DMD: variants seen among roughly 807,000 people sequenced by gnomAD.
The protein encoded by DMD is mutant dystrophin.
Under a neutral mutation model 330.1 loss-of-function variants are expected in DMD, and 63 were observed. That is an observed-to-expected ratio of 0.19 (90% CI 0.16 to 0.24). The LOEUF (loss-of-function observed/expected upper bound fraction) is 0.24. Among genes scored for constraint, DMD ranks in the 10% least tolerant of loss-of-function variants. DMD has a pLI of 1.00. For missense variants in DMD, 3,344 were observed against 2,684.1 expected (o/e 1.25, Z -5.43); for synonymous variants, 1,223 against 959.8 (o/e 1.27, Z -5.07).
At chrX:32,603,865 C>T (rs1371021412) in intron 12 of DMD, among the ~76,000 whole-genome samples, 1 of 111,005 alleles carries the variant, frequency 9.0e-6, no homozygotes, top group Non-Finnish European at 1.9e-5. Flanking sequence ...TAATAAATAT[C>T]TCCCAATAAA....
chrX:32,497,734 G>C (rs1263534205), intron 19 of DMD, among the ~76,000 whole-genome samples: 1 of 111,263 alleles, frequency 9.0e-6, no homozygotes, highest in Admixed American at 9.6e-5. Flanking sequence ...ATCCTAAATA[G>C]ATAAAAACAG....
intron 55 of DMD, among the ~76,000 whole-genome samples, chrX:31,548,593 A>G (rs1343914554): frequency 1.0e-5 from 1 of 98,202 alleles, no homozygotes; most frequent in Non-Finnish European, 2.0e-5. Context: ...GTTTCACCAT[A>G]TTGGCAAAGC....
At chrX:32,618,693 G>C (rs1425848581) in intron 11 of DMD, among the ~76,000 whole-genome samples, 2 of 111,167 alleles carry the variant, frequency 1.8e-5, no homozygotes, top group Admixed American at 1.9e-4. Flanking sequence ...CGATATCTTT[G>C]TCAAAAGAAA....
chrX:32,717,472 T>C (rs1276505911), intron 7 of DMD, among the ~76,000 whole-genome samples: 3 of 111,698 alleles, frequency 2.7e-5, no homozygotes, highest in Non-Finnish European at 5.7e-5. Context: ...CTTGAGAGCA[T>C]CCACCTAGAT....
intron 57 of DMD, among the ~76,000 whole-genome samples, chrX:31,495,324 A>G (rs1209619422): frequency 9.0e-6 from 1 of 111,366 alleles, no homozygotes; most frequent in Non-Finnish European, 1.9e-5. Flanking sequence ...CAAAAGTGGT[A>G]CCATTTTATC....
chrX:32,953,568 T>C (rs1273596426), intron 2 of DMD, among the ~76,000 whole-genome samples: 1 of 111,996 alleles, frequency 8.9e-6, no homozygotes, highest in East Asian at 2.8e-4. Flanking sequence ...AAAAAATACA[T>C]TGCTAGTCCC....
At chrX:33,305,776 A>T (rs912074399) in intron 1 of DMD, among the ~76,000 whole-genome samples, 1 of 111,220 alleles carries the variant, frequency 9.0e-6, no homozygotes, top group Non-Finnish European at 1.9e-5. Flanking sequence ...ATTATAGAGC[A>T]TTACGTTTTC....
intron 54 of DMD, among the ~76,000 whole-genome samples, chrX:31,651,851 T>C (rs767816228): frequency 7.3e-4 from 82 of 111,935 alleles, no homozygotes; most frequent in African/African-American, 2.4e-3. Context: ...AGTTTCCTAA[T>C]GGTCTCACTA....
rs761155957 is a variant in DMD at position 33,082,899 on chromosome X, C to T, written c.32-62699G>A. ...ACCCACGTTCTATCACGTGATATCC[C>T]TCTCTCCATTACATAACACAGAAAG... On this transcript the variant is annotated intron_variant, in intron 1 of 78. Coordinates refer to ENST00000357033, the MANE Select transcript of DMD (RefSeq NM_004006.3). Among the ~76,000 whole-genome samples the T allele has an allele frequency of 1.2e-4, 14 of 112,390 alleles. No homozygotes were observed. In the South Asian group the frequency reaches 5.1e-3, roughly 41 times the overall value.
rs747055974 is a variant in DMD, at chrX:32,516,021, A to C, written c.2292+1987T>G. Among the ~76,000 whole-genome samples the C allele has an allele frequency of 4.6e-3, 517 of 111,355 alleles. 1 individual carries two copies. Among genetic ancestry groups the C allele is most frequent in the African/African-American group, 0.016 (494 of 30,723 alleles). ...GCCTATGATATGCTAACTGGCTAAAAGCATTTGAAAGGAGTAAATGAAGAA... is the reference window on the plus strand; with the variant it reads ...GCCTATGATATGCTAACTGGCTAAACGCATTTGAAAGGAGTAAATGAAGAA... On this transcript the variant is annotated intron_variant, in intron 18 of 78. Coordinates refer to ENST00000357033, the MANE Select transcript of DMD (RefSeq NM_004006.3).
chrX:31,192,561 G>A lies in DMD; in HGVS notation c.9808-9657C>T, dbSNP rs183240305. 9.8e-5 allele frequency among the ~76,000 whole-genome samples: 11 copies of A among 111,842 alleles called. No individual in the cohort carries two copies. In the East Asian group the frequency reaches 2.5e-3, roughly 26 times the overall value. On this transcript the variant is annotated intron_variant, in intron 67 of 78. Transcript: ENST00000357033. ...CCGGAAGATCAGGTAAGACTTTGCTGATCATGGCCAAGCTTTGAAATAAGT... is the reference window on the plus strand; with the variant it reads ...CCGGAAGATCAGGTAAGACTTTGCTAATCATGGCCAAGCTTTGAAATAAGT...
intron 44 of DMD, among the ~76,000 whole-genome samples, chrX:32,058,126 C>G (rs771786592): frequency 9.0e-6 from 1 of 111,041 alleles, no homozygotes; most frequent in South Asian, 3.7e-4. Context: ...AACTATGAAA[C>G]TCATAGAAGA....
At chrX:31,275,560 G>A (rs2052043800) in intron 62 of DMD, among the ~76,000 whole-genome samples, 1 of 111,273 alleles carries the variant, frequency 9.0e-6, no homozygotes, top group Admixed American at 9.6e-5. Context: ...GATGGATAGA[G>A]AAGAAAAAAT....
In DMD at chrX:31,177,929, C is replaced by A; in HGVS notation, c.10262+3G>T. On this transcript the variant is annotated splice_donor_region_variant and intron_variant, in intron 71 of 78. Transcript: ENST00000357033. ...AGCACCCTTCAGCAAAAAAAGTACTCACGCAGAATCTACTGGCCAGAAGTT... is the reference window on the plus strand; with the variant it reads ...AGCACCCTTCAGCAAAAAAAGTACTAACGCAGAATCTACTGGCCAGAAGTT... The A allele has an allele frequency of 2.5e-6, 3 of 1,205,589 alleles. No homozygotes were observed. The South Asian group carries it at 5.3e-5, about 21-fold the overall frequency.
chrX:33,114,648 T>C (rs1488895135), intron 1 of DMD, among the ~76,000 whole-genome samples: 1 of 111,844 alleles, frequency 8.9e-6, no homozygotes, highest in East Asian at 2.8e-4. Flanking sequence ...AAGAACCTCC[T>C]AGCTCAGATT....
intron 19 of DMD, among the ~76,000 whole-genome samples, chrX:32,499,590 G>A (rs905061883): frequency 9.0e-6 from 1 of 111,651 alleles, no homozygotes; most frequent in East Asian, 2.8e-4. Flanking sequence ...TTACGTGGTT[G>A]TGAGATTTAT....
chrX:31,227,806 G>C (rs892844930), intron 63 of DMD, among the ~76,000 whole-genome samples: 4 of 110,710 alleles, frequency 3.6e-5, no homozygotes, highest in African/African-American at 1.3e-4. Flanking sequence ...TCCTTGAAGA[G>C]GTCCTTCACA....
At chrX:31,470,241 G>T (rs191013431) in intron 59 of DMD, among the ~76,000 whole-genome samples, 32 of 111,565 alleles carry the variant, frequency 2.9e-4, no homozygotes, top group African/African-American at 9.4e-4. Flanking sequence ...ATCATTTGGA[G>T]GAGAAGAGGC....
intron 43 of DMD, among the ~76,000 whole-genome samples, chrX:32,285,568 C>T (rs1226921585): frequency 9.0e-6 from 1 of 111,563 alleles, no homozygotes; most frequent in Non-Finnish European, 1.9e-5. Flanking sequence ...CATGAGCCAC[C>T]ATTTTATAAG....
Sources: allele counts gnomAD v4.1 joint callset (sites outside exome capture counted in the v4.1 genomes callset), GRCh38; gene constraint gnomAD v4.1.1; transcripts MANE v1.5; gene names NCBI Gene and HGNC (gene_info 2026-07-23, HGNC 2026-07-21).